The following PRUNE2 variants were observed in gnomAD, a reference collection of about 807,000 sequenced individuals.
PRUNE2 encodes the protein protein prune homolog 2.
PRUNE2 carries 164 observed loss-of-function variants against 252.0 expected under a neutral mutation model. That is an observed-to-expected ratio of 0.65 (90% CI 0.57 to 0.74). The LOEUF (loss-of-function observed/expected upper bound fraction) is 0.74. PRUNE2 is among the 30% of genes least tolerant of loss of function. The pLI is 0.00. For synonymous variants in PRUNE2, 1,292 were observed against 1,350.2 expected (o/e 0.96, Z 0.94); for missense variants, 3,495 against 3,711.0 (o/e 0.94, Z 1.51).
intron 6 of PRUNE2, among the ~76,000 whole-genome samples, chr9:76,791,883 G>A (rs952787254): frequency 6.6e-6 from 1 of 152,218 alleles, no homozygotes; most frequent in African/African-American, 2.4e-5. Flanking sequence ...TGAGAGGCTG[G>A]TGAGGCCTTG....
Position 76,637,519 on chromosome 9 carries a change from T to C in PRUNE2, c.8862A>G (p.Val2954=). 6.2e-7 allele frequency: 1 copy of C among 1,613,392 alleles called. No individual in the cohort carries two copies. The highest frequency in any genetic ancestry group is 8.5e-7 in the Non-Finnish European group (1 of 1,179,538). ...AGTACACAATCATATAGTCTTCAGC[T>C]ACCATCAACTCTAAAGTACTTATTA... ...LYVISTLELM[V]AEDYMIVYLN... Residue 2954 remains valine (V), a synonymous_variant, in exon 14 of 19, where the codon GTA becomes GTG. Transcript: ENST00000376718.
chr9:76,836,617 A>G (rs1373550721), intron 4 of PRUNE2, among the ~76,000 whole-genome samples: 1 of 152,198 alleles, frequency 6.6e-6, no homozygotes, highest in African/African-American at 2.4e-5. Flanking sequence ...GAAAGTGGAT[A>G]CTAATGATTT....
At position 76,637,415 on chromosome 9, in the gene PRUNE2, T is replaced by C; in HGVS notation, c.8963+3A>G. ...TAGTGATTAAATAATAGAGCCCACA[T>C]ACCGTCTGTCAATCATCTGGTAGCA... On this transcript the variant is annotated splice_donor_region_variant and intron_variant, in intron 14 of 18. Coordinates refer to ENST00000376718, the MANE Select transcript of PRUNE2 (RefSeq NM_015225.3). The C allele has an allele frequency of 6.2e-7, 1 of 1,613,510 alleles. No homozygotes were observed. Among genetic ancestry groups the C allele is most frequent in the Non-Finnish European group, 8.5e-7 (1 of 1,179,702 alleles).
At chr9:76,747,488 G>A (rs2050226415) in intron 6 of PRUNE2, among the ~76,000 whole-genome samples, 3 of 152,096 alleles carry the variant, frequency 2.0e-5, no homozygotes, top group Admixed American at 2.0e-4. Flanking sequence ...TTGTAAGTGA[G>A]GAGACTGAGC....
intron 6 of PRUNE2, among the ~76,000 whole-genome samples, chr9:76,792,372 T>G (rs2055636540): frequency 1.3e-5 from 2 of 152,154 alleles, no homozygotes. Context: ...TTAAACCTCT[T>G]TCTTTTATAA....
intron 6 of PRUNE2, among the ~76,000 whole-genome samples, chr9:76,728,410 T>C (rs10735649): frequency 0.42 from 64,311 of 151,924 alleles, 14,095 homozygotes; most frequent in Admixed American, 0.56. Context: ...TTTAATTGGC[T>C]TAAGGGTGAG....
Position 76,764,742 on chromosome 9 carries a change from A to G in PRUNE2, c.757-51021T>C, listed in dbSNP as rs114644565. 2.0e-3 allele frequency among the ~76,000 whole-genome samples: 312 copies of G among 152,278 alleles called. 2 individuals carry two copies. Among genetic ancestry groups the G allele is most frequent in the African/African-American group, 7.3e-3 (305 of 41,558 alleles). ...CAGGGACACCAGTTAAGTTATTGCA[A>G]TGGTTAAGGTGAGAGGTGGTGGCTG... On this transcript the variant is annotated intron_variant, in intron 6 of 18. Coordinates refer to ENST00000376718, the MANE Select transcript of PRUNE2 (RefSeq NM_015225.3).
Position 76,905,927 on chromosome 9 carries a change from C to T in PRUNE2, c.36+1G>A, listed in dbSNP as rs201301442. ...CACACAGCTTTGCTCACTCAACTTA[C>T]CAGTTTAGATTTGGCGCGTTGCAAA... On this transcript the variant is annotated splice_donor_variant, in intron 1 of 18. Coordinates refer to ENST00000376718, the MANE Select transcript of PRUNE2 (RefSeq NM_015225.3). LOFTEE classifies it high-confidence loss of function. 2 of 1,614,168 alleles carry T rather than the reference C, an allele frequency of 1.2e-6. No individual in the cohort carries two copies. Among genetic ancestry groups the T allele is most frequent in the Non-Finnish European group, 1.7e-6 (2 of 1,179,994 alleles).
At chr9:76,827,806 C>G (rs1338030943) in intron 4 of PRUNE2, among the ~76,000 whole-genome samples, 2 of 152,176 alleles carry the variant, frequency 1.3e-5, no homozygotes, top group Non-Finnish European at 2.9e-5. Flanking sequence ...GCCTCCGTTT[C>G]CAGTTTCCCA....
At chr9:76,634,454 T>A (rs1839122307) in intron 15 of PRUNE2, among the ~76,000 whole-genome samples, 1 of 147,830 alleles carries the variant, frequency 6.8e-6, no homozygotes, top group Non-Finnish European at 1.5e-5. Flanking sequence ...ATGAGTATAT[T>A]TTTGCAAAGA....
chr9:76,768,101 G>A (rs953659287), intron 6 of PRUNE2, among the ~76,000 whole-genome samples: 5 of 152,100 alleles, frequency 3.3e-5, no homozygotes, highest in African/African-American at 7.2e-5. Context: ...ATCCCAGCAC[G>A]GCTGCCTGGT....
intron 6 of PRUNE2, chr9:76,740,084 C>T (rs2135546540): frequency 2.0e-5 from 3 of 151,208 alleles, no homozygotes; most frequent in Admixed American, 2.0e-4. Flanking sequence ...ACAAAGTTAA[C>T]TATCAAATAT....
chr9:76,823,654 C>G lies in PRUNE2; in HGVS notation c.734G>C (p.Ser245Thr). The change falls in exon 6 of 19, where the codon AGT (serine) becomes ACT (threonine). Residue 245 changes from serine (S) to threonine (T), a missense_variant. Physicochemically the swap from Ser to Thr is moderately conservative, Grantham distance 58 (BLOSUM62 1). Transcript: ENST00000376718. ...TACCTCAAGGTTCATGCTCACAGTA[C>G]TAATGGCCACTTTTATTTCTCCATC... is the stretch of plus-strand genomic sequence containing the variant. ...LSDGEIKVAI[S>T]TVSMNLENCL... is the part of the protein sequence containing the mutation. The G allele has an allele frequency of 6.2e-7, 1 of 1,609,094 alleles. No individual in the cohort carries two copies. The highest frequency in any genetic ancestry group is 8.5e-7 in the Non-Finnish European group (1 of 1,175,558).
intron 6 of PRUNE2, among the ~76,000 whole-genome samples, chr9:76,804,615 G>T (rs1264660687): frequency 6.6e-6 from 1 of 152,140 alleles, no homozygotes; most frequent in Non-Finnish European, 1.5e-5. Flanking sequence ...ACAGCACAGC[G>T]ACTTTATGGA....
chr9:76,615,426 T>C (rs1828977923), intron 18 of PRUNE2, among the ~76,000 whole-genome samples: 1 of 152,254 alleles, frequency 6.6e-6, no homozygotes, highest in Admixed American at 6.5e-5. Flanking sequence ...CTTGTGGAAT[T>C]TGCGGCAGCT....
chr9:76,664,645 C>T (rs908922861), intron 9 of PRUNE2, among the ~76,000 whole-genome samples: 2 of 152,088 alleles, frequency 1.3e-5, no homozygotes, highest in African/African-American at 4.8e-5. Flanking sequence ...CTCAGCCTCC[C>T]GAGTAGCTGG....
In PRUNE2 at chr9:76,896,060, C is replaced by T. The variant is rs1299495788; in HGVS notation, c.36+9868G>A. 2.0e-5 allele frequency among the ~76,000 whole-genome samples: 3 copies of T among 152,202 alleles called. No individual in the cohort carries two copies. In the East Asian group the frequency reaches 5.8e-4, roughly 29 times the overall value. ...AAAGTGCTGGGATTATTGGCATGAG[C>T]CACCACGCCTGCCATCAGGTCTGCT... On this transcript the variant is annotated intron_variant, in intron 1 of 18. Coordinates refer to ENST00000376718, the MANE Select transcript of PRUNE2 (RefSeq NM_015225.3).
intron 1 of PRUNE2, among the ~76,000 whole-genome samples, chr9:76,855,643 G>GT (rs1376990915): frequency 2.0e-5 from 3 of 152,032 alleles, no homozygotes; most frequent in Admixed American, 2.0e-4. Flanking sequence ...AATGAAAGCA[G>GT]TATCAATTTT....
At chr9:76,725,595 C>T (rs1021139688) in intron 6 of PRUNE2, among the ~76,000 whole-genome samples, 3 of 152,138 alleles carry the variant, frequency 2.0e-5, no homozygotes, top group Non-Finnish European at 4.4e-5. Context: ...AGGCACACAC[C>T]TTTCACCACC....
Sources: allele counts gnomAD v4.1 joint callset (sites outside exome capture counted in the v4.1 genomes callset), GRCh38; gene constraint gnomAD v4.1.1; transcripts MANE v1.5; gene names NCBI Gene and HGNC (gene_info 2026-07-23, HGNC 2026-07-21).